The following ZBTB20 variants were observed in gnomAD, a reference collection of about 807,000 sequenced individuals.
ZBTB20 encodes the protein zinc finger and BTB domain containing 20, also known as zinc finger and BTB domain-containing protein 20.
Under a neutral mutation model 56.9 loss-of-function variants are expected in ZBTB20, and 9 were observed. That is an observed-to-expected ratio of 0.16 (90% confidence interval 0.10 to 0.28). The LOEUF is 0.28. Among genes scored for constraint, ZBTB20 ranks in the 10% least tolerant of loss-of-function variants. ZBTB20 has a pLI of 1.00. For missense variants in ZBTB20, 655 were observed against 1,003.0 expected (o/e 0.65, Z 4.69); for synonymous variants, 417 against 420.7 (o/e 0.99, Z 0.11).
At position 114,391,767 on chromosome 3, in the gene ZBTB20, C is replaced by T. The variant is rs149935485; in HGVS notation, c.-254-2662G>A. On this transcript the variant is annotated intron_variant, in intron 7 of 11. Coordinates refer to ENST00000675478, the MANE Select transcript of ZBTB20 (RefSeq NM_001348800.3). ...ACCTAAAAGCTCATCTGCTTCAACC[C>T]CCTCATTTTTCAGACGAAGAGATGA... Among the ~76,000 whole-genome samples, 1,465 of 152,232 alleles carry T rather than the reference C, an allele frequency of 9.6e-3. 16 individuals carry two copies. Among genetic ancestry groups the T allele is most frequent in the African/African-American group, 0.028 (1,179 of 41,534 alleles).
chr3:114,440,830 G>A (rs1298904941), intron 7 of ZBTB20, among the ~76,000 whole-genome samples: 1 of 152,074 alleles, frequency 6.6e-6, no homozygotes, highest in Non-Finnish European at 1.5e-5. Flanking sequence ...TATTCTCCTG[G>A]GATATCAGAC....
At chr3:114,895,266 G>A (rs2074827467) in intron 4 of ZBTB20, among the ~76,000 whole-genome samples, 1 of 152,074 alleles carries the variant, frequency 6.6e-6, no homozygotes, top group Non-Finnish European at 1.5e-5. Context: ...CTAAACCTGA[G>A]GCTGCTTAGA....
chr3:115,117,641 TC>T (rs2084057819), intron 1 of ZBTB20, among the ~76,000 whole-genome samples: 1 of 151,988 alleles, frequency 6.6e-6, no homozygotes, highest in African/African-American at 2.4e-5. Context: ...TCTCCACAAC[TC>T]TTTTTTTTTT....
At chr3:114,469,262 C>A (rs1206023390) in intron 7 of ZBTB20, among the ~76,000 whole-genome samples, 1 of 152,040 alleles carries the variant, frequency 6.6e-6, no homozygotes, top group Non-Finnish European at 1.5e-5. Context: ...TCAAGTTTTC[C>A]TAGTCACAAG....
intron 3 of ZBTB20, among the ~76,000 whole-genome samples, chr3:114,955,124 C>T (rs1260139262): frequency 1.3e-5 from 2 of 152,230 alleles, no homozygotes; most frequent in Admixed American, 1.3e-4. Context: ...AAGCTTTGAG[C>T]CCTTCACCAA....
At chr3:114,441,018 G>C (rs78066494) in intron 7 of ZBTB20, among the ~76,000 whole-genome samples, 6,375 of 152,006 alleles carry the variant, frequency 0.042, 188 homozygotes, top group South Asian at 0.067. Context: ...ACTGTTTTTT[G>C]GCCAGTGAAA....
chr3:115,056,717 C>G (rs957852830), intron 2 of ZBTB20, among the ~76,000 whole-genome samples: 11 of 151,972 alleles, frequency 7.2e-5, no homozygotes, highest in Admixed American at 2.0e-4. Flanking sequence ...AATAATAAAC[C>G]ATAAAGCTAC....
intron 3 of ZBTB20, among the ~76,000 whole-genome samples, chr3:114,934,947 G>A (rs186263430): frequency 2.0e-4 from 31 of 152,198 alleles, no homozygotes; most frequent in Non-Finnish European, 1.2e-4. Context: ...TTAATAATAT[G>A]TTTGTAGAAT....
intron 6 of ZBTB20, among the ~76,000 whole-genome samples, chr3:114,620,368 C>T (rs892982208): frequency 3.9e-5 from 6 of 152,138 alleles, no homozygotes; most frequent in African/African-American, 1.4e-4. Context: ...CTTTGGCTCA[C>T]TGCAATCTCC....
At chr3:115,009,799 A>G (rs984072221) in intron 2 of ZBTB20, among the ~76,000 whole-genome samples, 1 of 151,876 alleles carries the variant, frequency 6.6e-6, no homozygotes, top group African/African-American at 2.4e-5. Context: ...GCCTTCTACC[A>G]CGTTGGGATA....
intron 5 of ZBTB20, among the ~76,000 whole-genome samples, chr3:114,787,366 T>TATATATATATATATATATATATACAC (rs1278656494): frequency 1.2e-5 from 1 of 82,900 alleles, no homozygotes; most frequent in African/African-American, 5.3e-5. Flanking sequence ...TATATATATA[T>TATATATATATATATATATATATACAC]ATACACACAC....
intron 5 of ZBTB20, among the ~76,000 whole-genome samples, chr3:114,786,010 T>C (rs1181223191): frequency 2.0e-5 from 3 of 152,228 alleles, no homozygotes; most frequent in Non-Finnish European, 1.5e-5. Flanking sequence ...CTTAATTTAA[T>C]TTTAAGTTCT....
intron 1 of ZBTB20, among the ~76,000 whole-genome samples, chr3:115,092,054 C>T (rs948601057): frequency 3.9e-5 from 6 of 152,104 alleles, no homozygotes; most frequent in African/African-American, 1.4e-4. Context: ...AAATTAAATA[C>T]TTCCCTGTTT....
chr3:114,787,366 T>TATATATATATATACAC lies in ZBTB20; in HGVS notation c.-343+13734_-343+13735insGTGTATATATATATAT, dbSNP rs1278656494. 1.5e-3 allele frequency among the ~76,000 whole-genome samples: 122 copies of TATATATATATATACAC among 82,868 alleles called. 1 individual carries two copies. Among genetic ancestry groups the TATATATATATATACAC allele is most frequent in the African/African-American group, 5.7e-3 (109 of 18,988 alleles). 54.4% of individuals were successfully genotyped at this position (82,868 alleles called of 152,430 possible). On this transcript the variant is annotated intron_variant, in intron 5 of 11. Coordinates refer to ENST00000675478, the MANE Select transcript of ZBTB20 (RefSeq NM_001348800.3). ...ATATATATATATATATATATATATATATACACACACACACACACACACACA... is the reference window on the plus strand; with the variant it reads ...ATATATATATATATATATATATATATATATATATATATACACATACACACACACACACACACACACA...
intron 5 of ZBTB20, among the ~76,000 whole-genome samples, chr3:114,697,087 G>A (rs925299233): frequency 5.2e-4 from 35 of 67,116 alleles, no homozygotes; most frequent in East Asian, 1.3e-3. Context: ...GAAGAAGAAA[G>A]AGAAAAAAAG....
intron 2 of ZBTB20, among the ~76,000 whole-genome samples, chr3:115,019,401 A>C (rs534482349): frequency 6.6e-6 from 1 of 151,426 alleles, no homozygotes; most frequent in East Asian, 2.0e-4. Context: ...AGTGAACAAA[A>C]GTATGTGATG....
intron 7 of ZBTB20, among the ~76,000 whole-genome samples, chr3:114,478,112 A>T (rs1265984010): frequency 6.6e-6 from 1 of 151,644 alleles, no homozygotes; most frequent in Non-Finnish European, 1.5e-5. Flanking sequence ...GATTACAGGC[A>T]TGCGCCACCA....
At chr3:114,403,676 A>G (rs1195868996) in intron 7 of ZBTB20, among the ~76,000 whole-genome samples, 1 of 152,108 alleles carries the variant, frequency 6.6e-6, no homozygotes, top group African/African-American at 2.4e-5. Context: ...TTTTAGAATC[A>G]GCTATAGAAT....
intron 7 of ZBTB20, among the ~76,000 whole-genome samples, chr3:114,400,534 C>T (rs1035709109): frequency 5.9e-5 from 9 of 152,278 alleles, no homozygotes; most frequent in Middle Eastern, 6.8e-3. Flanking sequence ...CCACTCCATC[C>T]TCTCCTCTCC....
Sources: gnomAD v4.1 joint callset for allele counts (sites outside exome capture counted in the v4.1 genomes callset) on GRCh38, gnomAD v4.1.1 for gene constraint, MANE v1.5 for transcripts, NCBI Gene and HGNC (gene_info 2026-07-23, HGNC 2026-07-21) for gene names.